The following CPT1A variants were observed in gnomAD, a reference collection of about 807,000 sequenced individuals.
CPT1A encodes the protein carnitine O-palmitoyltransferase 1, liver isoform.
Under a neutral mutation model 100.8 loss-of-function variants are expected in CPT1A, and 64 were observed. The ratio of observed to expected loss-of-function variants is 0.63; its 90% CI spans 0.52 to 0.78. The LOEUF (loss-of-function observed/expected upper bound fraction) is 0.78. Ranked by LOEUF, CPT1A falls within the 30% of genes least tolerant of loss-of-function variation. The pLI is 0.00. For missense variants in CPT1A, 802 were observed against 1,034.1 expected, an observed-to-expected ratio of 0.78 and a Z score of 3.08; for synonymous variants, 363 against 396.0, an observed-to-expected ratio of 0.92 and a Z score of 0.99.
In CPT1A at chr11:68,812,532, C is replaced by A; in HGVS notation, c.186G>T (p.Trp62Cys). Reference protein sequence around the residue: ...TGVYPASPSSWLIVVVGVMTT... With the variant: ...TGVYPASPSSCLIVVVGVMTT... ...TCATCACGCCCACCACCACGATAAG[C>A]CAACTGGAGGGGCTTGCCGGGTACA... is the stretch of plus-strand genomic sequence containing the variant. Residue 62 changes from tryptophan to cysteine, a missense_variant, in exon 3 of 19, where the codon TGG becomes TGT. This residue lies in a region of CPT1A where 161 missense variants were observed against 183.7 expected (regional missense o/e 0.88). Transcript: ENST00000265641. The A allele has an allele frequency of 6.2e-7, 1 of 1,614,180 alleles. No individual in the cohort carries two copies. Among genetic ancestry groups the A allele is most frequent in the Non-Finnish European group, 8.5e-7 (1 of 1,180,030 alleles).
intron 12 of CPT1A, among the ~76,000 whole-genome samples, chr11:68,779,568 G>A (rs1855241999): frequency 6.6e-6 from 1 of 150,390 alleles, no homozygotes; most frequent in Admixed American, 6.6e-5. Context: ...GGCCCAGGCA[G>A]GCAGATCCCC....
intron 9 of CPT1A, among the ~76,000 whole-genome samples, chr11:68,785,403 A>G (rs1247287515): frequency 6.6e-6 from 1 of 151,974 alleles, no homozygotes; most frequent in Non-Finnish European, 1.5e-5. Context: ...TCTACTAAAA[A>G]TACAAAAATT....
chr11:68,787,943 A>C, intron 9 of CPT1A, among the ~76,000 whole-genome samples: 1 of 135,052 alleles, frequency 7.4e-6, no homozygotes, highest in South Asian at 2.4e-4. Flanking sequence ...ACTCAGTCTC[A>C]AAAAAAAAAA....
chr11:68,769,941 C>T (rs1311184761), intron 14 of CPT1A, among the ~76,000 whole-genome samples: 3 of 151,678 alleles, frequency 2.0e-5, no homozygotes, highest in Admixed American at 2.0e-4. Context: ...TTCAGCTACT[C>T]GAGGGGCTGA....
intron 9 of CPT1A, among the ~76,000 whole-genome samples, chr11:68,786,850 G>A (rs1052592693): frequency 3.3e-5 from 5 of 152,136 alleles, no homozygotes; most frequent in African/African-American, 1.2e-4. Context: ...TTTTTAAAAT[G>A]TTTACCAAAC....
chr11:68,785,946 T>C, intron 9 of CPT1A: 1 of 694,492 alleles, frequency 1.4e-6, no homozygotes. Flanking sequence ...AGAAATGTGA[T>C]GAAGTACGTT....
intron 2 of CPT1A, among the ~76,000 whole-genome samples, chr11:68,813,920 C>T (rs1164491607): frequency 6.6e-6 from 1 of 152,172 alleles, no homozygotes; most frequent in Non-Finnish European, 1.5e-5. Flanking sequence ...CCCAGGGACA[C>T]CCGTGCAGCT....
At chr11:68,785,715 C>T (rs1005645906) in intron 9 of CPT1A, 4 of 361,346 alleles carry the variant, frequency 1.1e-5, no homozygotes, top group South Asian at 8.3e-5. Flanking sequence ...AGACGATATC[C>T]GTAAAGCCCA....
intron 1 of CPT1A, among the ~76,000 whole-genome samples, chr11:68,832,177 G>A (rs928033257): frequency 6.6e-6 from 1 of 152,124 alleles, no homozygotes; most frequent in Non-Finnish European, 1.5e-5. Context: ...GGCCAGGTGC[G>A]GTGGCTCACG....
Position 68,762,682 on chromosome 11 carries a change from G to C in CPT1A, c.1820C>G (p.Ser607Cys). Residue 607 changes from serine to cysteine, a missense_variant, in exon 15 of 19, where the codon TCC becomes TGC. Physicochemically the swap from Ser to Cys is moderately radical, Grantham distance 112. This residue lies in a region of CPT1A where 627 missense variants were observed against 799.3 expected (regional missense o/e 0.78). Transcript: ENST00000265641. ...FREGRTETVR[S>C]CTTESCDFVR... ...GAAGTCGCATGACTCAGTGGTGCAG[G>C]AGCGCACGGTCTCCGTCCTCCCCTC... 1 of 1,614,030 alleles carries C rather than the reference G, an allele frequency of 6.2e-7. No homozygotes were observed. Among genetic ancestry groups the C allele is most frequent in the Non-Finnish European group, 8.5e-7 (1 of 1,180,046 alleles).
chr11:68,803,450 C>T (rs1855958423), intron 5 of CPT1A, among the ~76,000 whole-genome samples: 1 of 152,104 alleles, frequency 6.6e-6, no homozygotes, highest in Admixed American at 6.6e-5. Flanking sequence ...GTGGCTCATG[C>T]CTGTAATCCC....
At chr11:68,804,674 G>T (rs1594354237) in intron 4 of CPT1A, among the ~76,000 whole-genome samples, 1 of 152,230 alleles carries the variant, frequency 6.6e-6, no homozygotes, top group African/African-American at 2.4e-5. Flanking sequence ...CGCTGCCAGC[G>T]TCGTGACTGG....
At chr11:68,779,134 A>G (rs955672022) in intron 12 of CPT1A, among the ~76,000 whole-genome samples, 4 of 152,168 alleles carry the variant, frequency 2.6e-5, no homozygotes, top group African/African-American at 7.2e-5. Flanking sequence ...TGCCCTATCA[A>G]GAACAGCGAG....
At chr11:68,824,295 G>C (rs2154002070) in intron 1 of CPT1A, among the ~76,000 whole-genome samples, 1 of 151,188 alleles carries the variant, frequency 6.6e-6, no homozygotes, top group African/African-American at 2.4e-5. Context: ...AACAGACATT[G>C]GGGATTCCAA....
chr11:68,761,086 T>C (rs1946800220), intron 16 of CPT1A, among the ~76,000 whole-genome samples: 5 of 149,636 alleles, frequency 3.3e-5, no homozygotes. Flanking sequence ...GGCACAGTGG[T>C]GCACATCAGC....
At chr11:68,769,978 G>A (rs1485703843) in intron 14 of CPT1A, among the ~76,000 whole-genome samples, 1 of 151,756 alleles carries the variant, frequency 6.6e-6, no homozygotes, top group East Asian at 1.9e-4. Context: ...GAACCTGGGA[G>A]CCGAGTGAGC....
At chr11:68,795,525 A>G (rs1216238719) in intron 7 of CPT1A, among the ~76,000 whole-genome samples, 2 of 152,210 alleles carry the variant, frequency 1.3e-5, no homozygotes, top group Non-Finnish European at 2.9e-5. Context: ...GGACTACACT[A>G]ACGGTTTTTC....
At chr11:68,817,046 TGGTTGTGTG>T (rs1417470958) in intron 1 of CPT1A, among the ~76,000 whole-genome samples, 3 of 9,284 alleles carry the variant, frequency 3.2e-4, no homozygotes, top group Non-Finnish European at 1.7e-3. Context: ...TGGTGATGTG[TGGTTGTGTG>T]GGGGGTGGGT....
In CPT1A at chr11:68,841,671, C is replaced by T; in HGVS notation, c.-14+104G>A. ...GCGCCCCGGTTCCGGCGGCGTCCCC[C>T]ACCCGGTCCGGTTCCCGGCAGCCCC... On this transcript the variant is annotated intron_variant, in intron 1 of 18. Transcript: ENST00000265641. This position sits in a 1 kb window ranked among gnomAD's most constrained non-coding sequence, Gnocchi z 6.3. The T allele has an allele frequency of 1.7e-6, 1 of 601,116 alleles. No homozygotes were observed. The highest frequency in any genetic ancestry group is 1.4e-4 in the East Asian group (1 of 7,104). 37.2% of individuals were successfully genotyped at this position (601,116 alleles called of 1,614,324 possible).
Sources: gnomAD v4.1 joint callset for allele counts (sites outside exome capture counted in the v4.1 genomes callset) on GRCh38, gnomAD v4.1.1 for gene constraint, gnomAD v4.1.1 regional missense constraint, Gnocchi (gnomAD v3.1) non-coding constraint, MANE v1.5 for transcripts, NCBI Gene and HGNC (gene_info 2026-07-23, HGNC 2026-07-21) for gene names.